The following KCNH1 variants were observed in gnomAD, a reference collection of about 807,000 sequenced individuals.
The protein encoded by KCNH1 is potassium voltage-gated channel subfamily H member 1.
In KCNH1, 27 loss-of-function variants were observed where a neutral mutation model predicts 69.2. The ratio of observed to expected loss-of-function variants is 0.39; its 90% CI spans 0.29 to 0.54. KCNH1 has a LOEUF of 0.54. KCNH1 is among the 20% of genes least tolerant of loss of function. The pLI is 0.68. For missense variants in KCNH1, 798 were observed against 1,261.6 expected, an observed-to-expected ratio of 0.63 and a Z score of 5.57; for synonymous variants, 456 against 487.7, an observed-to-expected ratio of 0.93 and a Z score of 0.86.
Position 210,778,851 on chromosome 1 carries a change from TG to T in KCNH1, c.1916-3308del, listed in dbSNP as rs113238813. On this transcript the variant is annotated intron_variant, in intron 9 of 10. Transcript: ENST00000271751. ...CTTCATCTAAACAAGACCCAATATA[TG>T]AGTGTTATACTTTTCAAATGAATTT... Among the ~76,000 whole-genome samples, 260 of 152,344 alleles carry T rather than the reference TG, an allele frequency of 1.7e-3. 1 individual carries two copies. The highest frequency in any genetic ancestry group is 5.9e-3 in the African/African-American group (246 of 41,592).
At chr1:210,823,794 T>G (rs1201154625) in intron 7 of KCNH1, among the ~76,000 whole-genome samples, 2 of 152,052 alleles carry the variant, frequency 1.3e-5, no homozygotes, top group Non-Finnish European at 2.9e-5. Context: ...GAGCCAAGAT[T>G]TGAACCCAGG....
chr1:211,043,143 A>C (rs542501619), intron 5 of KCNH1, among the ~76,000 whole-genome samples: 1 of 152,274 alleles, frequency 6.6e-6, no homozygotes, highest in South Asian at 2.1e-4. Flanking sequence ...ACAAACAAAC[A>C]AAAAGATAAA....
At chr1:210,797,815 A>T in intron 8 of KCNH1, 55 bp from the exon 9 acceptor site, 2 of 1,572,094 alleles carry the variant, frequency 1.3e-6, no homozygotes, top group African/African-American at 2.7e-5. Context: ...CCTTCAGCCC[A>T]CATCCTTCAG....
chr1:210,970,346 T>C (rs1574369564), intron 6 of KCNH1, among the ~76,000 whole-genome samples: 1 of 151,898 alleles, frequency 6.6e-6, no homozygotes, highest in Non-Finnish European at 1.5e-5. Flanking sequence ...CTCCCACTTA[T>C]GAGTGAGAAC....
chr1:210,865,985 A>T (rs1686099350), intron 7 of KCNH1, among the ~76,000 whole-genome samples: 1 of 152,198 alleles, frequency 6.6e-6, no homozygotes, highest in African/African-American at 2.4e-5. Flanking sequence ...GTTGAAAAAA[A>T]ATGTGTATAC....
chr1:211,095,774 G>T (rs1271125211), intron 3 of KCNH1, among the ~76,000 whole-genome samples: 1 of 152,148 alleles, frequency 6.6e-6, no homozygotes, highest in Non-Finnish European at 1.5e-5. Context: ...CAGAACAATT[G>T]GTCTGGGGTC....
At chr1:210,749,079 C>T (rs530336164) in intron 10 of KCNH1, among the ~76,000 whole-genome samples, 8 of 152,284 alleles carry the variant, frequency 5.3e-5, no homozygotes, top group African/African-American at 1.9e-4. Context: ...CCAGGTTTGG[C>T]CTCATTTTAG....
chr1:211,042,456 A>T (rs1690014222), intron 5 of KCNH1, among the ~76,000 whole-genome samples: 1 of 152,200 alleles, frequency 6.6e-6, no homozygotes, highest in African/African-American at 2.4e-5. Context: ...GAATTAGCTC[A>T]ACAATTTATA....
At chr1:210,710,448 GAT>G (rs963073309) in intron 10 of KCNH1, among the ~76,000 whole-genome samples, 4 of 152,058 alleles carry the variant, frequency 2.6e-5, no homozygotes, top group Non-Finnish European at 4.4e-5. Flanking sequence ...TATACGAAGA[GAT>G]GTGCATTTAG....
At chr1:210,699,860 T>C (rs538527951) in intron 10 of KCNH1, among the ~76,000 whole-genome samples, 1 of 152,246 alleles carries the variant, frequency 6.6e-6, no homozygotes, top group East Asian at 1.9e-4. Flanking sequence ...GGCTACTAAG[T>C]GGTAGGGCCG....
intron 1 of KCNH1, among the ~76,000 whole-genome samples, chr1:211,123,580 A>G (rs1691725316): frequency 1.3e-5 from 2 of 152,114 alleles, no homozygotes; most frequent in African/African-American, 4.8e-5. Flanking sequence ...CAGATGGAAG[A>G]CGGTGACAGA....
intron 7 of KCNH1, among the ~76,000 whole-genome samples, chr1:210,888,028 G>A (rs1470995892): frequency 6.6e-6 from 1 of 152,112 alleles, no homozygotes; most frequent in Non-Finnish European, 1.5e-5. Flanking sequence ...GGATATTCAG[G>A]ACGCGAACTC....
At chr1:210,775,569 G>A in intron 9 of KCNH1, 25 bp from the exon 10 acceptor site, 1 of 1,597,382 alleles carries the variant, frequency 6.3e-7, no homozygotes, top group Non-Finnish European at 8.6e-7. Context: ...TTGTCATGAG[G>A]AAAGTGTTGG....
chr1:210,726,664 T>C (rs1682598476), intron 10 of KCNH1, among the ~76,000 whole-genome samples: 1 of 152,156 alleles, frequency 6.6e-6, no homozygotes, highest in East Asian at 1.9e-4. Context: ...AGATGCAGGA[T>C]CAGGTAATTA....
At chr1:210,691,262 A>G (rs1047046324) in intron 10 of KCNH1, among the ~76,000 whole-genome samples, 3 of 152,218 alleles carry the variant, frequency 2.0e-5, no homozygotes, top group Non-Finnish European at 4.4e-5. Context: ...CAAGACACAA[A>G]GGCAGAAATG....
At chr1:210,894,784 A>C (rs1686829005) in intron 7 of KCNH1, among the ~76,000 whole-genome samples, 1 of 152,156 alleles carries the variant, frequency 6.6e-6, no homozygotes. Context: ...AGGCCCTAAC[A>C]AGATGCCAGC....
intron 7 of KCNH1, among the ~76,000 whole-genome samples, chr1:210,912,469 T>A (rs918035355): frequency 6.6e-6 from 1 of 152,172 alleles, no homozygotes; most frequent in Non-Finnish European, 1.5e-5. Context: ...ACCTATACTT[T>A]AAACACTGTA....
intron 7 of KCNH1, among the ~76,000 whole-genome samples, chr1:210,813,941 G>C (rs956018882): frequency 6.6e-6 from 1 of 152,124 alleles, no homozygotes; most frequent in African/African-American, 2.4e-5. Context: ...TTTCTCTCTT[G>C]TCTGCCACCA....
At chr1:210,877,742 A>T (rs969425697) in intron 7 of KCNH1, among the ~76,000 whole-genome samples, 1 of 152,190 alleles carries the variant, frequency 6.6e-6, no homozygotes, top group South Asian at 2.1e-4. Context: ...TGGAAATAAA[A>T]ATTATTTAAT....
Sources: allele counts gnomAD v4.1 joint callset (sites outside exome capture counted in the v4.1 genomes callset), GRCh38; gene constraint gnomAD v4.1.1; transcripts MANE v1.5; gene names NCBI Gene and HGNC (gene_info 2026-07-23, HGNC 2026-07-21).